The following C8orf89 variants were observed in gnomAD, a reference collection of about 807,000 sequenced individuals.
The protein encoded by C8orf89 is chromosome 8 open reading frame 89, also known as putative uncharacterized protein C8orf89.
In C8orf89, 14 loss-of-function variants were observed where a neutral mutation model predicts 15.8. The ratio of observed to expected loss-of-function variants is 0.89; its 90% CI spans 0.59 to 1.39. C8orf89 has a LOEUF of 1.39. Ranked by LOEUF, C8orf89 falls within the 40% of genes most tolerant of loss-of-function variation. The pLI, the probability that C8orf89 is intolerant of heterozygous loss-of-function variation, is 0.00. For missense variants in C8orf89, 181 were observed against 184.5 expected (o/e 0.98, Z 0.11); for synonymous variants, 55 against 62.2 (o/e 0.88, Z 0.54).
upstream of C8orf89, among the ~76,000 whole-genome samples, chr8:73,260,672 G>C (rs1047141677): frequency 6.6e-6 from 1 of 152,196 alleles, no homozygotes; most frequent in Non-Finnish European, 1.5e-5. Context: ...ATTTCTGGAG[G>C]AAGCCAGCAA....
chr8:73,264,698 C>T, the C8orf89 span, among the ~76,000 whole-genome samples: 7 of 152,126 alleles, frequency 4.6e-5, no homozygotes, highest in African/African-American at 1.4e-4. Context: ...GCCATGTTGA[C>T]CAGGCTGGTC....
chr8:73,275,534 T>C, the C8orf89 span, among the ~76,000 whole-genome samples: 1 of 152,162 alleles, frequency 6.6e-6, no homozygotes, highest in African/African-American at 2.4e-5. Flanking sequence ...CACTGTACCC[T>C]GCCAATTAAG....
intron 2 of C8orf89, among the ~76,000 whole-genome samples, chr8:73,251,356 G>A (rs1813243404): frequency 6.6e-6 from 1 of 152,202 alleles, no homozygotes; most frequent in Non-Finnish European, 1.5e-5. Context: ...CTCCTTCACA[G>A]GCCGCTGTGC....
chr8:73,265,805 T>C, the C8orf89 span, among the ~76,000 whole-genome samples: 1 of 152,228 alleles, frequency 6.6e-6, no homozygotes, highest in South Asian at 2.1e-4. Flanking sequence ...GTTTTCCAAC[T>C]GAAGTATGTT....
chr8:73,265,379 A>G, the C8orf89 span, among the ~76,000 whole-genome samples: 1 of 152,226 alleles, frequency 6.6e-6, no homozygotes, highest in African/African-American at 2.4e-5. Context: ...ATCCATCAGA[A>G]GGCTTTGAAT....
At chr8:73,282,894 TA>T in the C8orf89 span, among the ~76,000 whole-genome samples, 2 of 152,236 alleles carry the variant, frequency 1.3e-5, no homozygotes, top group South Asian at 4.1e-4. Flanking sequence ...AACCATGAAT[TA>T]AATTCAAAGA....
chr8:73,242,360 G>A (rs999925280), intron 3 of C8orf89, among the ~76,000 whole-genome samples: 1 of 152,108 alleles, frequency 6.6e-6, no homozygotes, highest in African/African-American at 2.4e-5. Flanking sequence ...TATAATCCCA[G>A]CACTTTGGGA....
chr8:73,263,256 T>C (rs1254654811), upstream of C8orf89, among the ~76,000 whole-genome samples: 2 of 152,226 alleles, frequency 1.3e-5, no homozygotes, highest in African/African-American at 4.8e-5. Flanking sequence ...CTCACACCTA[T>C]AATCTCAAGA....
At chr8:73,279,657 C>G in the C8orf89 span, among the ~76,000 whole-genome samples, 1 of 152,202 alleles carries the variant, frequency 6.6e-6, no homozygotes, top group South Asian at 2.1e-4. Flanking sequence ...TCTCCTCCAT[C>G]AAGAGGTGAG....
chr8:73,274,112 G>A, the C8orf89 span, among the ~76,000 whole-genome samples: 3 of 151,684 alleles, frequency 2.0e-5, no homozygotes, highest in South Asian at 4.2e-4. Flanking sequence ...GGGGAGACAG[G>A]TGCTTACCTG....
chr8:73,262,814 C>G (rs1054961385), upstream of C8orf89, among the ~76,000 whole-genome samples: 1 of 75,918 alleles, frequency 1.3e-5, no homozygotes, highest in Non-Finnish European at 3.0e-5. Context: ...AAGATCCTGG[C>G]TCAAAAAAAA....
At chr8:73,267,551 G>T in the C8orf89 span, among the ~76,000 whole-genome samples, 1 of 152,270 alleles carries the variant, frequency 6.6e-6, no homozygotes, top group Non-Finnish European at 1.5e-5. Context: ...AATGATGATA[G>T]GAAAGTTTCT....
the C8orf89 span, among the ~76,000 whole-genome samples, chr8:73,268,638 T>A: frequency 6.6e-6 from 1 of 152,226 alleles, no homozygotes; most frequent in Non-Finnish European, 1.5e-5. Context: ...TTTTTTAAGA[T>A]GTCATAATGG....
At chr8:73,264,864 A>G in the C8orf89 span, among the ~76,000 whole-genome samples, 3 of 152,216 alleles carry the variant, frequency 2.0e-5, no homozygotes, top group African/African-American at 4.8e-5. Context: ...CTAAAAGTGA[A>G]GAGCACTCTT....
the C8orf89 span, among the ~76,000 whole-genome samples, chr8:73,278,646 G>T: frequency 6.6e-6 from 1 of 152,152 alleles, no homozygotes; most frequent in Non-Finnish European, 1.5e-5. Flanking sequence ...CTATTCCATA[G>T]TCTACATGTT....
chr8:73,260,342 A>C (rs368831467), upstream of C8orf89, among the ~76,000 whole-genome samples: 4 of 151,800 alleles, frequency 2.6e-5, no homozygotes, highest in African/African-American at 9.7e-5. Flanking sequence ...AACAATGAGA[A>C]CACTTGGACA....
chr8:73,254,324 A>T (rs904297563), intron 2 of C8orf89, among the ~76,000 whole-genome samples: 19 of 151,944 alleles, frequency 1.3e-4, no homozygotes, highest in Non-Finnish European at 1.0e-4. Context: ...GTGCTGCTGG[A>T]TTCGTTTTGC....
At chr8:73,266,410 G>A in the C8orf89 span, among the ~76,000 whole-genome samples, 2 of 152,306 alleles carry the variant, frequency 1.3e-5, no homozygotes, top group South Asian at 4.1e-4. Flanking sequence ...GGAAAAGATG[G>A]CTGGAATATG....
the C8orf89 span, among the ~76,000 whole-genome samples, chr8:73,278,717 T>C: frequency 6.6e-6 from 1 of 152,226 alleles, no homozygotes; most frequent in South Asian, 2.1e-4. Flanking sequence ...ATTTTGTTGA[T>C]ACTATATCTA....
Sources: gnomAD v4.1 joint callset for allele counts (sites outside exome capture counted in the v4.1 genomes callset) on GRCh38, gnomAD v4.1.1 for gene constraint, MANE v1.5 for transcripts, NCBI Gene and HGNC (gene_info 2026-07-23, HGNC 2026-07-21) for gene names.